The following MYO9A variants were observed in gnomAD, a reference collection of about 807,000 sequenced individuals.
MYO9A encodes myosin IXA, also known as unconventional myosin-IXa.
A neutral mutation model predicts 293.3 loss-of-function variants in MYO9A; 103 were observed. That is an observed-to-expected ratio of 0.35 (90% CI 0.30 to 0.41). The LOEUF (loss-of-function observed/expected upper bound fraction) is 0.41, where lower values mean the gene tolerates loss of function less well. Ranked by LOEUF, MYO9A falls within the 10% of genes least tolerant of loss-of-function variation. The pLI, the probability that MYO9A is intolerant of heterozygous loss-of-function variation, is 1.00. For missense variants in MYO9A, 2,685 were observed against 3,033.0 expected (o/e 0.89, Z 2.69); for synonymous variants, 1,001 against 1,035.7 (o/e 0.97, Z 0.64).
intron 32 of MYO9A, among the ~76,000 whole-genome samples, chr15:71,874,252 ATATT>A (rs1337778818): frequency 6.6e-6 from 1 of 152,238 alleles, no homozygotes; most frequent in Non-Finnish European, 1.5e-5. Flanking sequence ...ATAATCCTGA[ATATT>A]AGTAAGGTAG....
chr15:72,053,682 G>A (rs561930191), intron 1 of MYO9A, among the ~76,000 whole-genome samples: 9 of 152,248 alleles, frequency 5.9e-5, no homozygotes, highest in Middle Eastern at 3.4e-3. Context: ...GGCGAGGATC[G>A]AAAAACTACC....
intron 1 of MYO9A, among the ~76,000 whole-genome samples, chr15:72,104,191 A>G (rs947202089): frequency 6.6e-6 from 1 of 152,172 alleles, no homozygotes; most frequent in African/African-American, 2.4e-5. Context: ...AGGGTAAACA[A>G]CTGATCCTCA....
intron 6 of MYO9A, among the ~76,000 whole-genome samples, chr15:72,011,580 G>A (rs568906433): frequency 1.5e-3 from 218 of 150,190 alleles, no homozygotes; most frequent in African/African-American, 5.1e-3. Context: ...TGGGCAACAC[G>A]CATGACACCA....
chr15:71,975,969 G>A (rs1269856989), intron 12 of MYO9A, among the ~76,000 whole-genome samples: 3 of 152,120 alleles, frequency 2.0e-5, no homozygotes, highest in Non-Finnish European at 4.4e-5. Context: ...CTCGTCCTAC[G>A]CAGCTCCTCA....
At chr15:71,844,032 A>G (rs977506033) in intron 39 of MYO9A, among the ~76,000 whole-genome samples, 1 of 152,176 alleles carries the variant, frequency 6.6e-6, no homozygotes, top group African/African-American at 2.4e-5. Flanking sequence ...CTTCTGCACA[A>G]TTATATATAC....
intron 4 of MYO9A, among the ~76,000 whole-genome samples, chr15:72,022,348 C>T (rs2077525871): frequency 6.6e-6 from 1 of 151,816 alleles, no homozygotes; most frequent in Admixed American, 6.6e-5. Flanking sequence ...GGTGAAACCC[C>T]GTCTCTACTA....
intron 39 of MYO9A, among the ~76,000 whole-genome samples, chr15:71,832,686 G>A (rs904263096): frequency 6.6e-5 from 10 of 152,166 alleles, no homozygotes; most frequent in Non-Finnish European, 2.9e-5. Context: ...TGCACTAAAG[G>A]AAATATTGAA....
chr15:71,921,747 T>C (rs905384632), intron 18 of MYO9A, among the ~76,000 whole-genome samples: 7 of 152,208 alleles, frequency 4.6e-5, no homozygotes, highest in African/African-American at 1.7e-4. Flanking sequence ...TCTAAATTCC[T>C]TTCCCTCAAT....
chr15:71,900,085 T>C, intron 23 of MYO9A, 79 bp from the exon 24 acceptor site: 1 of 1,348,840 alleles, frequency 7.4e-7, no homozygotes, highest in Non-Finnish European at 1.0e-6. Flanking sequence ...AGAATAAATT[T>C]CTTATGTCAT....
At chr15:72,020,476 C>T (rs936362489) in intron 5 of MYO9A, among the ~76,000 whole-genome samples, 1 of 152,106 alleles carries the variant, frequency 6.6e-6, no homozygotes, top group Non-Finnish European at 1.5e-5. Context: ...TACTCTAAGT[C>T]AGTGTCATAG....
At chr15:71,909,494 A>T (rs2057769587) in intron 19 of MYO9A, among the ~76,000 whole-genome samples, 1 of 152,184 alleles carries the variant, frequency 6.6e-6, no homozygotes, top group Non-Finnish European at 1.5e-5. Flanking sequence ...GCAATTCCCT[A>T]ATAACATATA....
chr15:72,012,964 T>TA (rs573048491), intron 6 of MYO9A, among the ~76,000 whole-genome samples: 37 of 152,022 alleles, frequency 2.4e-4, no homozygotes, highest in African/African-American at 8.0e-4. Flanking sequence ...AATCATAGTT[T>TA]AAAAAAAATG....
chr15:72,021,344 C>G (rs2077497987), intron 4 of MYO9A, among the ~76,000 whole-genome samples: 2 of 152,282 alleles, frequency 1.3e-5, no homozygotes, highest in Admixed American at 1.3e-4. Flanking sequence ...AAGCTTGCAA[C>G]AACCCAGAGA....
chr15:72,070,291 A>C (rs1006221271), intron 1 of MYO9A, among the ~76,000 whole-genome samples: 2 of 151,550 alleles, frequency 1.3e-5, no homozygotes, highest in Admixed American at 6.6e-5. Flanking sequence ...AAACTACAAA[A>C]AAAAAACAAA....
At chr15:72,013,255 G>A (rs1188905737) in intron 6 of MYO9A, among the ~76,000 whole-genome samples, 2 of 152,176 alleles carry the variant, frequency 1.3e-5, no homozygotes, top group South Asian at 2.1e-4. Context: ...AGGTGAGGGA[G>A]CTACTGTATT....
intron 1 of MYO9A, among the ~76,000 whole-genome samples, chr15:72,087,706 G>C (rs913381702): frequency 6.6e-6 from 1 of 152,160 alleles, no homozygotes; most frequent in Non-Finnish European, 1.5e-5. Context: ...CAGTCCCTCA[G>C]TGGCAGCCAT....
intron 4 of MYO9A, among the ~76,000 whole-genome samples, chr15:72,025,252 C>G (rs1850778947): frequency 6.6e-6 from 1 of 151,932 alleles, no homozygotes; most frequent in Non-Finnish European, 1.5e-5. Flanking sequence ...TTCCTAGGGA[C>G]AAAGAAGGCC....
chr15:71,834,622 C>G (rs1595990307), intron 39 of MYO9A, among the ~76,000 whole-genome samples: 1 of 150,824 alleles, frequency 6.6e-6, no homozygotes, highest in Admixed American at 6.6e-5. Context: ...AAAAAAAATA[C>G]AAAAATTAGC....
chr15:71,883,825 T>C, intron 27 of MYO9A, 89 bp from the exon 28 acceptor site: 1 of 1,158,240 alleles, frequency 8.6e-7, no homozygotes, highest in Non-Finnish European at 1.2e-6. Context: ...ACAAATCTTC[T>C]ATGTATATTA....
Sources: gnomAD v4.1 joint callset for allele counts (sites outside exome capture counted in the v4.1 genomes callset) on GRCh38, gnomAD v4.1.1 for gene constraint, MANE v1.5 for transcripts, NCBI Gene and HGNC (gene_info 2026-07-23, HGNC 2026-07-21) for gene names.